FBXO10: variants seen among roughly 807,000 people sequenced by gnomAD.
The protein encoded by FBXO10 is F-box only protein 10.
FBXO10 carries 39 observed loss-of-function variants against 80.7 expected under a neutral mutation model. That is an observed-to-expected ratio of 0.48 (90% CI 0.37 to 0.63). The LOEUF is 0.63. Among genes scored for constraint, FBXO10 ranks in the 30% least tolerant of loss-of-function variants. FBXO10 has a pLI of 0.00. For missense variants in FBXO10, 1,025 were observed against 1,269.0 expected (o/e 0.81, Z 2.92); for synonymous variants, 449 against 489.6 (o/e 0.92, Z 1.09).
In FBXO10 at chr9:37,541,468, A is replaced by G; in HGVS notation, c.301T>C (p.Phe101Leu). 1.2e-6 allele frequency: 2 copies of G among 1,614,044 alleles called. No individual in the cohort carries two copies. The highest frequency in any genetic ancestry group is 1.6e-4 in the Middle Eastern group (1 of 6,062). The change falls in exon 2 of 11, where the codon TTC (phenylalanine) becomes CTC (leucine). Residue 101 changes from phenylalanine (F) to leucine (L), a missense_variant. By Grantham distance (22) the Phe-to-Leu change is conservative. Transcript: ENST00000432825. ...DLESSICFSL[F>L]RRRRERRTLS... is the part of the protein sequence containing the mutation. ...GTACGTCGTTCCCTCCTCCGGCGGA[A>G]TAGAGAAAAGCAGATGGAAGACTCC...
chr9:37,521,259 C>T (rs1821337743), intron 8 of FBXO10, among the ~76,000 whole-genome samples: 1 of 152,118 alleles, frequency 6.6e-6, no homozygotes, highest in Non-Finnish European at 1.5e-5. Context: ...TCTGCTCGGC[C>T]GCCCCACCGT....
intron 5 of FBXO10, among the ~76,000 whole-genome samples, chr9:37,527,156 C>A (rs1397570957): frequency 2.0e-5 from 3 of 152,166 alleles, no homozygotes; most frequent in Non-Finnish European, 4.4e-5. Flanking sequence ...GGCCCCTGCT[C>A]TCTTAATCTA....
At chr9:37,543,744 G>A (rs770375802) in intron 1 of FBXO10, among the ~76,000 whole-genome samples, 1 of 152,152 alleles carries the variant, frequency 6.6e-6, no homozygotes, top group Non-Finnish European at 1.5e-5. Flanking sequence ...TCTCATTTAT[G>A]AGTGTCAATT....
chr9:37,548,343 C>T, intron 1 of FBXO10, among the ~76,000 whole-genome samples: 1 of 151,082 alleles, frequency 6.6e-6, no homozygotes, highest in Non-Finnish European at 1.5e-5. Context: ...TGAGATTGTG[C>T]CACTGCACTC....
At chr9:37,555,764 T>C (rs1822319800) in intron 1 of FBXO10, among the ~76,000 whole-genome samples, 1 of 152,188 alleles carries the variant, frequency 6.6e-6, no homozygotes, top group East Asian at 1.9e-4. Flanking sequence ...TACATGTTCT[T>C]TGAATATTTT....
chr9:37,543,065 C>T (rs1003348591), intron 1 of FBXO10, among the ~76,000 whole-genome samples: 27 of 152,318 alleles, frequency 1.8e-4, no homozygotes, highest in Middle Eastern at 3.4e-3. Flanking sequence ...TGTTTCCCCA[C>T]GTGGGGCAGC....
intron 9 of FBXO10, 38 bp from the exon 10 acceptor site, chr9:37,516,123 T>C: frequency 6.3e-7 from 1 of 1,590,478 alleles, no homozygotes; most frequent in East Asian, 2.2e-5. Context: ...ACCTCAGGGA[T>C]TCACAGACTG....
chr9:37,513,141 C>T (rs1179476804), intron 10 of FBXO10, among the ~76,000 whole-genome samples: 1 of 152,054 alleles, frequency 6.6e-6, no homozygotes, highest in Non-Finnish European at 1.5e-5. Flanking sequence ...GACTTCTCCA[C>T]TTTAAATAAG....
intron 1 of FBXO10, among the ~76,000 whole-genome samples, chr9:37,560,754 G>A (rs1181655551): frequency 2.6e-5 from 4 of 152,128 alleles, no homozygotes; most frequent in African/African-American, 9.7e-5. Flanking sequence ...TGTGATGCCT[G>A]TAAAGAACTG....
intron 1 of FBXO10, among the ~76,000 whole-genome samples, chr9:37,574,643 G>A (rs189743155): frequency 5.9e-5 from 9 of 152,296 alleles, no homozygotes; most frequent in South Asian, 2.1e-4. Context: ...TGAGGGATCA[G>A]GAAACAATTC....
chr9:37,523,697 G>A (rs906204433), intron 6 of FBXO10, among the ~76,000 whole-genome samples: 6 of 152,166 alleles, frequency 3.9e-5, no homozygotes, highest in Non-Finnish European at 7.4e-5. Flanking sequence ...TGAGACGGGC[G>A]GATCACCTGA....
intron 1 of FBXO10, among the ~76,000 whole-genome samples, chr9:37,555,889 ATCTG>A (rs928695260): frequency 1.3e-5 from 2 of 152,052 alleles, no homozygotes; most frequent in Non-Finnish European, 2.9e-5. Context: ...ATTTTCTTCT[ATCTG>A]TCTGAGAAAG....
chr9:37,535,748 A>G (rs1371027804), intron 3 of FBXO10, among the ~76,000 whole-genome samples: 1 of 152,116 alleles, frequency 6.6e-6, no homozygotes, highest in African/African-American at 2.4e-5. Flanking sequence ...GCCAGGTGAC[A>G]GCCTTCTGTG....
intron 1 of FBXO10, among the ~76,000 whole-genome samples, chr9:37,574,684 G>A (rs546483388): frequency 1.3e-5 from 2 of 152,212 alleles, no homozygotes; most frequent in East Asian, 3.8e-4. Context: ...ATCCCTGGAG[G>A]CCAGCTGTTA....
chr9:37,531,829 G>A, intron 4 of FBXO10, 80 bp downstream of exon 4: 4 of 1,533,828 alleles, frequency 2.6e-6, no homozygotes, highest in Non-Finnish European at 3.6e-6. Context: ...AATACAAGAG[G>A]GCAACGTGTA....
At position 37,571,714 on chromosome 9, in the gene FBXO10, C is replaced by CATATATATATATATAT. The variant is rs71494672; in HGVS notation, c.-7+4481_-7+4496dup. ...CCATTTAAGAGGGTGAAAAGAGAGC[C>CATATATATATATATAT]ATATATATATATATATATATATATA... On this transcript the variant is annotated intron_variant, in intron 1 of 10. Transcript: ENST00000432825. Among the ~76,000 whole-genome samples, 491 of 93,052 alleles carry CATATATATATATATAT rather than the reference C, an allele frequency of 5.3e-3. 10 individuals carry two copies. The highest frequency in any genetic ancestry group is 6.1e-3 in the African/African-American group (113 of 18,530). 61.0% of individuals were successfully genotyped at this position (93,052 alleles called of 152,430 possible). A position where few individuals can be genotyped will look rare whatever the true frequency, so the allele number is the denominator to read the frequency against.
chr9:37,518,979 G>A (rs994007675), intron 8 of FBXO10, among the ~76,000 whole-genome samples: 2 of 150,168 alleles, frequency 1.3e-5, no homozygotes, highest in East Asian at 2.0e-4. Context: ...GCGCCATCTC[G>A]GCTCACTACA....
Position 37,552,495 on chromosome 9 carries a change from G to C in FBXO10, c.-6-10721C>G, listed in dbSNP as rs191516185. On this transcript the variant is annotated intron_variant, in intron 1 of 10. Transcript: ENST00000432825. The stretch of plus-strand genomic sequence containing the variant: ...TCAGGAGATCGAGACCATCCTGGCT[G>C]ACACGGTGAAACCCCGTCTCTACTG... Among the ~76,000 whole-genome samples, 498 of 152,068 alleles carry C rather than the reference G, an allele frequency of 3.3e-3. 2 individuals are homozygous for C. Among genetic ancestry groups the C allele is most frequent in the Non-Finnish European group, 6.0e-3 (411 of 67,978 alleles).
chr9:37,572,442 GATGAATACAT>G (rs1442012248), intron 1 of FBXO10, among the ~76,000 whole-genome samples: 9 of 152,110 alleles, frequency 5.9e-5, no homozygotes, highest in Non-Finnish European at 1.0e-4. Context: ...TCAACCACAG[GATGAATACAT>G]CTATTGTGAC....
Sources: allele counts gnomAD v4.1 joint callset (sites outside exome capture counted in the v4.1 genomes callset), GRCh38; gene constraint gnomAD v4.1.1; transcripts MANE v1.5; gene names NCBI Gene and HGNC (gene_info 2026-07-23, HGNC 2026-07-21).